CFAP58: variants seen among roughly 807,000 people sequenced by gnomAD.
The protein encoded by CFAP58 is cilia- and flagella-associated protein 58.
In CFAP58, 88 loss-of-function variants were observed where a neutral mutation model predicts 119.5. The observed-to-expected ratio is 0.74, with a 90% CI of 0.62 to 0.88. The LOEUF is 0.88. CFAP58 is among the 40% of genes least tolerant of loss of function. The pLI, the probability that CFAP58 is intolerant of heterozygous loss-of-function variation, is 0.00. For synonymous variants in CFAP58, 365 were observed against 366.3 expected (o/e 1.00, Z 0.04); for missense variants, 990 against 1,021.2 (o/e 0.97, Z 0.42).
At chr10:104,382,068 C>G in intron 9 of CFAP58, 1 of 717,016 alleles carries the variant, frequency 1.4e-6, no homozygotes, top group Non-Finnish European at 2.6e-6. Flanking sequence ...ATGTTTTGCT[C>G]ATATAACTGG....
chr10:104,406,841 C>A, intron 15 of CFAP58, 48 bp downstream of exon 15: 1 of 1,376,422 alleles, frequency 7.3e-7, no homozygotes, highest in Non-Finnish European at 1.0e-6. Flanking sequence ...TTAGCACCAC[C>A]ATCTCCAGGA....
chr10:104,366,725 C>T (rs1309239372), intron 5 of CFAP58, among the ~76,000 whole-genome samples: 1 of 152,184 alleles, frequency 6.6e-6, no homozygotes, highest in Non-Finnish European at 1.5e-5. Flanking sequence ...CATATTAGCA[C>T]AGACAGAGAA....
chr10:104,399,175 A>AGTGTGT lies in CFAP58; in HGVS notation c.1675-164_1675-159dup, dbSNP rs35611566. 7.0e-3 allele frequency among the ~76,000 whole-genome samples: 1,047 copies of AGTGTGT among 149,088 alleles called. 12 individuals are homozygous for AGTGTGT. Among genetic ancestry groups the AGTGTGT allele is most frequent in the African/African-American group, 0.018 (728 of 40,198 alleles). The stretch of plus-strand genomic sequence containing the variant: ...TAATGTGCATTGCTATTTCTTTATG[A>AGTGTGT]GTGTGTGTGTGTGTGTGTGTGTGTG... On this transcript the variant is annotated intron_variant, in intron 11 of 17. Transcript: ENST00000369704.
At chr10:104,408,387 T>C (rs763895483) in intron 15 of CFAP58, among the ~76,000 whole-genome samples, 4 of 152,218 alleles carry the variant, frequency 2.6e-5, no homozygotes, top group Non-Finnish European at 5.9e-5. Context: ...TCAGAGTACA[T>C]AGTTTGGATG....
chr10:104,416,294 T>A (rs1425132594), intron 15 of CFAP58, among the ~76,000 whole-genome samples: 1 of 152,152 alleles, frequency 6.6e-6, no homozygotes, highest in African/African-American at 2.4e-5. Flanking sequence ...GGAGTTCAAG[T>A]TCGTGTTGCT....
chr10:104,376,985 C>A, intron 8 of CFAP58, 92 bp downstream of exon 8: 1 of 937,654 alleles, frequency 1.1e-6, no homozygotes, highest in South Asian at 1.5e-5. Context: ...AAGAAAACTC[C>A]GAGGCAAACA....
chr10:104,411,016 T>G (rs1304236709), intron 15 of CFAP58, among the ~76,000 whole-genome samples: 1 of 152,176 alleles, frequency 6.6e-6, no homozygotes, highest in Non-Finnish European at 1.5e-5. Context: ...CTTGGCGCAC[T>G]GCAACCTCCG....
intron 15 of CFAP58, among the ~76,000 whole-genome samples, chr10:104,436,067 A>G (rs1200112324): frequency 1.3e-5 from 2 of 151,834 alleles, no homozygotes; most frequent in African/African-American, 4.8e-5. Flanking sequence ...TCTGCTTCCA[A>G]CCTCTTTTTT....
upstream of CFAP58, among the ~76,000 whole-genome samples, chr10:104,348,878 C>T (rs1463816166): frequency 6.6e-6 from 1 of 152,192 alleles, no homozygotes; most frequent in Non-Finnish European, 1.5e-5. Flanking sequence ...GTTACTTATA[C>T]AGCAGAGTGC....
chr10:104,345,315 T>C, the CFAP58 span, among the ~76,000 whole-genome samples: 1 of 152,120 alleles, frequency 6.6e-6, no homozygotes, highest in African/African-American at 2.4e-5. Context: ...GGTATTTACA[T>C]TGAGGATAAG....
intron 4 of CFAP58, among the ~76,000 whole-genome samples, chr10:104,365,136 C>T (rs928489613): frequency 2.0e-5 from 3 of 152,158 alleles, no homozygotes; most frequent in Non-Finnish European, 4.4e-5. Context: ...TCCCTACTTA[C>T]AATTCTGGCT....
intron 1 of CFAP58, among the ~76,000 whole-genome samples, chr10:104,356,757 A>G (rs2014548514): frequency 6.6e-6 from 1 of 151,994 alleles, no homozygotes; most frequent in Non-Finnish European, 1.5e-5. Context: ...TATGATAGGG[A>G]TCAAATTCTA....
intron 15 of CFAP58, among the ~76,000 whole-genome samples, chr10:104,446,981 T>A (rs2013120189): frequency 6.6e-6 from 1 of 152,104 alleles, no homozygotes; most frequent in African/African-American, 2.4e-5. Flanking sequence ...CAAGACATTT[T>A]CAGATTTCTT....
At chr10:104,358,219 T>C (rs2014620234) in intron 1 of CFAP58, 122 bp from the exon 2 acceptor site, 2 of 932,318 alleles carry the variant, frequency 2.1e-6, no homozygotes, top group Non-Finnish European at 3.1e-6. Context: ...TTTTTCTGCT[T>C]ATCAGTGGTT....
chr10:104,379,316 T>C (rs1448500064), intron 8 of CFAP58, among the ~76,000 whole-genome samples: 1 of 152,202 alleles, frequency 6.6e-6, no homozygotes, highest in Non-Finnish European at 1.5e-5. Flanking sequence ...GTTTTCAAAG[T>C]TCATCCGTTG....
At chr10:104,360,437 G>A (rs749394498) in intron 2 of CFAP58, among the ~76,000 whole-genome samples, 12 of 151,636 alleles carry the variant, frequency 7.9e-5, no homozygotes, top group Non-Finnish European at 1.6e-4. Context: ...ACTTCACATG[G>A]GCCAGAGCAG....
At chr10:104,347,705 A>T in the CFAP58 span, among the ~76,000 whole-genome samples, 1 of 152,048 alleles carries the variant, frequency 6.6e-6, no homozygotes, top group African/African-American at 2.4e-5. Flanking sequence ...TTTCTGATAT[A>T]TACAAAGAAA....
chr10:104,352,929 T>A (rs868400221), upstream of CFAP58, among the ~76,000 whole-genome samples: 6 of 152,138 alleles, frequency 3.9e-5, no homozygotes, highest in African/African-American at 1.2e-4. Flanking sequence ...TAAACATTTT[T>A]AAAAAATACA....
At chr10:104,374,578 A>G (rs2133002849) in intron 7 of CFAP58, among the ~76,000 whole-genome samples, 1 of 152,164 alleles carries the variant, frequency 6.6e-6, no homozygotes, top group East Asian at 1.9e-4. Context: ...TTAAACATGA[A>G]GAAGTAGTAA....
Sources: gnomAD v4.1 joint callset for allele counts (sites outside exome capture counted in the v4.1 genomes callset) on GRCh38, gnomAD v4.1.1 for gene constraint, MANE v1.5 for transcripts, NCBI Gene and HGNC (gene_info 2026-07-23, HGNC 2026-07-21) for gene names.